AKT3: variants seen among roughly 807,000 people sequenced by gnomAD.
AKT3 encodes AKT serine/threonine kinase 3, also known as RAC-gamma serine/threonine-protein kinase.
A neutral mutation model predicts 65.3 loss-of-function variants in AKT3; 15 were observed. That is an observed-to-expected ratio of 0.23 (90% CI 0.15 to 0.35). The LOEUF (loss-of-function observed/expected upper bound fraction) is 0.35. Among genes scored for constraint, AKT3 ranks in the 10% least tolerant of loss-of-function variants. The pLI is 1.00. For missense variants in AKT3, 243 were observed against 576.5 expected (o/e 0.42, Z 5.92); for synonymous variants, 206 against 183.8 (o/e 1.12, Z -0.98).
At chr1:243,645,397 T>C (rs1680731862) in intron 5 of AKT3, among the ~76,000 whole-genome samples, 1 of 152,202 alleles carries the variant, frequency 6.6e-6, no homozygotes, top group Non-Finnish European at 1.5e-5. Flanking sequence ...GAAAAGTCTA[T>C]TTCCCTACTG....
intron 6 of AKT3, among the ~76,000 whole-genome samples, chr1:243,628,102 G>A (rs757198380): frequency 6.6e-6 from 1 of 152,170 alleles, no homozygotes; most frequent in Admixed American, 6.5e-5. Context: ...TTAGAGAGAC[G>A]ATTATTGGTT....
At chr1:243,607,123 GA>G (rs1227386402) in intron 8 of AKT3, among the ~76,000 whole-genome samples, 1 of 152,248 alleles carries the variant, frequency 6.6e-6, no homozygotes, top group Non-Finnish European at 1.5e-5. Flanking sequence ...CTGCAGAAGG[GA>G]AATGTGGTGT....
chr1:243,619,463 T>C (rs986287942), intron 6 of AKT3, among the ~76,000 whole-genome samples: 3 of 101,440 alleles, frequency 3.0e-5, no homozygotes, highest in African/African-American at 7.7e-5. Context: ...TTATTACAAC[T>C]GTACTTCTGT....
chr1:243,802,357 T>G (rs915812211), intron 2 of AKT3, among the ~76,000 whole-genome samples: 3 of 152,198 alleles, frequency 2.0e-5, no homozygotes, highest in Non-Finnish European at 4.4e-5. Flanking sequence ...AAAATAGCTA[T>G]ACATTTATAA....
chr1:243,642,737 C>T (rs1009981807), intron 5 of AKT3, among the ~76,000 whole-genome samples: 4 of 152,122 alleles, frequency 2.6e-5, no homozygotes, highest in Non-Finnish European at 4.4e-5. Context: ...TACATGTTTA[C>T]GTGGCTGTTT....
intron 2 of AKT3, among the ~76,000 whole-genome samples, chr1:243,722,376 C>G (rs1686963796): frequency 6.6e-6 from 1 of 152,174 alleles, no homozygotes; most frequent in Non-Finnish European, 1.5e-5. Flanking sequence ...GCAGCTCCAT[C>G]TAAATGTTAA....
rs746689777 is a variant in AKT3 at position 243,695,572 on chromosome 1, A to G, written c.172+19T>C. On this transcript the variant is annotated intron_variant, in intron 3 of 13. Transcript: ENST00000673466. ...AAATAAATAAATACAAGATGAATCA[A>G]CAATTATAATTAACTTACTTGCCAC... The G allele has an allele frequency of 5.1e-6, 8 of 1,564,316 alleles. No individual in the cohort carries two copies. In the East Asian group the frequency reaches 1.8e-4, roughly 36 times the overall value.
downstream of AKT3, among the ~76,000 whole-genome samples, chr1:243,495,166 T>C (rs764325436): frequency 1.1e-4 from 17 of 152,192 alleles, no homozygotes; most frequent in Non-Finnish European, 2.1e-4. Context: ...GGGTGCGCCC[T>C]GGGGAGGACA....
intron 2 of AKT3, among the ~76,000 whole-genome samples, chr1:243,754,715 T>G (rs1253242720): frequency 6.6e-6 from 1 of 152,170 alleles, no homozygotes; most frequent in Non-Finnish European, 1.5e-5. Context: ...AACTAATACC[T>G]GATGGTCTGA....
intron 6 of AKT3, among the ~76,000 whole-genome samples, chr1:243,626,604 G>A (rs1679181564): frequency 6.6e-6 from 1 of 152,104 alleles, no homozygotes; most frequent in Admixed American, 6.5e-5. Flanking sequence ...GGGACTGAAG[G>A]CCATATGCAC....
intron 2 of AKT3, among the ~76,000 whole-genome samples, chr1:243,833,761 T>C (rs1694698867): frequency 6.6e-6 from 1 of 151,512 alleles, no homozygotes; most frequent in African/African-American, 2.4e-5. Flanking sequence ...TAAAAAATCC[T>C]TCAAAAATGA....
At chr1:243,744,555 C>T (rs898063321) in intron 2 of AKT3, among the ~76,000 whole-genome samples, 46 of 151,748 alleles carry the variant, frequency 3.0e-4, no homozygotes, top group Admixed American at 4.6e-4. Context: ...CCGGCTAAAA[C>T]GGTGAAACCC....
intron 2 of AKT3, among the ~76,000 whole-genome samples, chr1:243,718,510 C>A (rs1686658760): frequency 6.6e-6 from 1 of 152,046 alleles, no homozygotes; most frequent in South Asian, 2.1e-4. Flanking sequence ...AGTGCAGTGG[C>A]ATGATCTTGG....
At chr1:243,612,278 G>C (rs1474677054) in intron 8 of AKT3, among the ~76,000 whole-genome samples, 2 of 151,500 alleles carry the variant, frequency 1.3e-5, no homozygotes, top group South Asian at 4.2e-4. Context: ...CCATGTCCAG[G>C]TAATTTTTTT....
chr1:243,684,112 C>A (rs1031974460), intron 3 of AKT3, among the ~76,000 whole-genome samples: 6 of 151,966 alleles, frequency 3.9e-5, no homozygotes, highest in African/African-American at 1.4e-4. Flanking sequence ...TTTTTTTTAG[C>A]AATCAATATA....
intron 2 of AKT3, among the ~76,000 whole-genome samples, chr1:243,761,362 G>A (rs1689480807): frequency 6.6e-6 from 1 of 152,032 alleles, no homozygotes. Context: ...TTAGACAGAG[G>A]AATGCTTATC....
At chr1:243,834,180 AATCATACATGT>A (rs1694734137) in intron 2 of AKT3, among the ~76,000 whole-genome samples, 1 of 152,162 alleles carries the variant, frequency 6.6e-6, no homozygotes, top group African/African-American at 2.4e-5. Context: ...AAGGAATATA[AATCATACATGT>A]ATCATAAAGA....
At chr1:243,542,257 A>G (rs750038999) in intron 12 of AKT3, among the ~76,000 whole-genome samples, 1 of 152,214 alleles carries the variant, frequency 6.6e-6, no homozygotes, top group Non-Finnish European at 1.5e-5. Context: ...GCTTGAAGGT[A>G]GTTAAAGGAT....
intron 12 of AKT3, among the ~76,000 whole-genome samples, chr1:243,536,473 T>G (rs1028073267): frequency 6.6e-6 from 1 of 152,226 alleles, no homozygotes; most frequent in Admixed American, 6.5e-5. Flanking sequence ...TTCTCATTTA[T>G]GCTACACATG....
Sources: gnomAD v4.1 joint callset for allele counts (sites outside exome capture counted in the v4.1 genomes callset) on GRCh38, gnomAD v4.1.1 for gene constraint, MANE v1.5 for transcripts, NCBI Gene and HGNC (gene_info 2026-07-23, HGNC 2026-07-21) for gene names.